Variants in ATG7 observed in about 807,000 individuals in gnomAD.
ATG7 encodes the protein autophagy related 7.
In ATG7, 70 loss-of-function variants were observed where a neutral mutation model predicts 82.4. The ratio of observed to expected loss-of-function variants is 0.85; its 90% confidence interval spans 0.70 to 1.04. ATG7 has a LOEUF of 1.04. Ranked by LOEUF, ATG7 falls within the 50% of genes least tolerant of loss-of-function variation. The probability of loss-of-function intolerance (pLI) is 0.00; values close to 1 mark genes in which losing one functional copy is unlikely to be tolerated. For missense variants in ATG7, 792 were observed against 864.3 expected (o/e 0.92, Z 1.05); for synonymous variants, 287 against 313.0 (o/e 0.92, Z 0.88).
chr3:11,453,856 G>T (rs543617518), intron 20 of ATG7, among the ~76,000 whole-genome samples: 2 of 152,312 alleles, frequency 1.3e-5, no homozygotes, highest in African/African-American at 4.8e-5. Flanking sequence ...GGCATGGAAA[G>T]CCACCAACAG....
chr3:11,454,343 C>T (rs2085489121), intron 20 of ATG7, among the ~76,000 whole-genome samples: 2 of 152,110 alleles, frequency 1.3e-5, no homozygotes, highest in South Asian at 4.1e-4. Context: ...ATGCTTGGGT[C>T]AGAAATGGGC....
chr3:11,454,216 C>T (rs2085475706), intron 20 of ATG7, among the ~76,000 whole-genome samples: 1 of 152,106 alleles, frequency 6.6e-6, no homozygotes, highest in Non-Finnish European at 1.5e-5. Flanking sequence ...CAGAGAAGCC[C>T]AGGGTCTCAC....
rs79290281 is a variant in ATG7, at chr3:11,412,736, G to A, written c.1957-14068G>A. On this transcript the variant is annotated intron_variant, in intron 19 of 20. Transcript: ENST00000693202. ...TTCTGCAAAAAACACCGTTGGATTTGTATAGAGATCACAATGAATCTGTAG... is the reference window on the plus strand; with the variant it reads ...TTCTGCAAAAAACACCGTTGGATTTATATAGAGATCACAATGAATCTGTAG... Among the ~76,000 whole-genome samples the A allele has an allele frequency of 1.9e-3, 286 of 152,126 alleles. 4 individuals are homozygous for A. In the East Asian group the frequency reaches 0.046, roughly 25 times the overall value.
In ATG7 at chr3:11,388,861, T is replaced by A. The variant is rs534685624; in HGVS notation, c.1956+8809T>A. On this transcript the variant is annotated intron_variant, in intron 19 of 20. Transcript: ENST00000693202. ...CCCAGCTGCTGAAACAAGGGAGCCATCAGCTGGAACTGGGAAAGCTTTTAT... is the reference window on the plus strand; with the variant it reads ...CCCAGCTGCTGAAACAAGGGAGCCAACAGCTGGAACTGGGAAAGCTTTTAT... Among the ~76,000 whole-genome samples, 87 of 152,252 alleles carry A rather than the reference T, an allele frequency of 5.7e-4. 1 individual carries two copies. Among genetic ancestry groups the A allele is most frequent in the Admixed American group, 4.4e-3 (68 of 15,286 alleles).
chr3:11,472,442 G>A (rs959851176), intron 20 of ATG7, among the ~76,000 whole-genome samples: 1 of 152,122 alleles, frequency 6.6e-6, no homozygotes, highest in Non-Finnish European at 1.5e-5. Context: ...GAGGAAGGGG[G>A]AACTGTAACT....
intron 9 of ATG7, among the ~76,000 whole-genome samples, chr3:11,316,990 G>A (rs1167344069): frequency 1.3e-5 from 2 of 151,794 alleles, no homozygotes; most frequent in South Asian, 2.1e-4. Flanking sequence ...TTTTTCAGAG[G>A]AAGCCCACCT....
intron 9 of ATG7, among the ~76,000 whole-genome samples, chr3:11,328,185 G>A (rs934656721): frequency 2.0e-5 from 3 of 152,210 alleles, no homozygotes; most frequent in Non-Finnish European, 2.9e-5. Context: ...GTAGCTCTAT[G>A]TATGTGCTGG....
At chr3:11,358,288 G>A in intron 14 of ATG7, 130 bp from the exon 15 acceptor site, 1 of 887,202 alleles carries the variant, frequency 1.1e-6, no homozygotes, top group East Asian at 2.4e-5. Context: ...GAAGGGTGCA[G>A]CATAATAGTG....
chr3:11,385,130 A>G (rs1262420870), intron 19 of ATG7, among the ~76,000 whole-genome samples: 2 of 152,072 alleles, frequency 1.3e-5, no homozygotes, highest in African/African-American at 4.8e-5. Context: ...CCTGGGTTCA[A>G]GTGATTCTCC....
intron 20 of ATG7, among the ~76,000 whole-genome samples, chr3:11,443,229 GT>G (rs1392680610): frequency 6.6e-6 from 1 of 152,152 alleles, no homozygotes; most frequent in Non-Finnish European, 1.5e-5. Flanking sequence ...AGCAATGCCT[GT>G]CTACTTCCCC....
At chr3:11,478,639 C>G (rs1474931148) in intron 20 of ATG7, among the ~76,000 whole-genome samples, 1 of 152,130 alleles carries the variant, frequency 6.6e-6, no homozygotes, top group Non-Finnish European at 1.5e-5. Context: ...AAAGGCAAAA[C>G]AGTCAGCAAA....
At chr3:11,374,859 G>A (rs1038044072) in intron 18 of ATG7, among the ~76,000 whole-genome samples, 2 of 130,774 alleles carry the variant, frequency 1.5e-5, no homozygotes, top group Non-Finnish European at 3.0e-5. Flanking sequence ...AGCTGAAATC[G>A]CTCCACTACA....
At chr3:11,491,992 A>G (rs554670223) in intron 20 of ATG7, among the ~76,000 whole-genome samples, 3 of 152,294 alleles carry the variant, frequency 2.0e-5, no homozygotes, top group Non-Finnish European at 1.5e-5. Flanking sequence ...GGCTACACCA[A>G]GTTTGAGCTT....
intron 1 of ATG7, among the ~76,000 whole-genome samples, chr3:11,275,746 G>A (rs781535707): frequency 1.3e-5 from 2 of 152,070 alleles, no homozygotes; most frequent in East Asian, 1.9e-4. Context: ...TGGAGGTGCT[G>A]CTCTGTTAAT....
At chr3:11,510,919 T>G (rs1437604553) in intron 20 of ATG7, among the ~76,000 whole-genome samples, 2 of 152,178 alleles carry the variant, frequency 1.3e-5, no homozygotes, top group African/African-American at 4.8e-5. Context: ...ACTTCAAGAA[T>G]GAAGCCGCGG....
At chr3:11,564,874 C>T in the ATG7 span, 89 of 1,608,454 alleles carry the variant, frequency 5.5e-5, no homozygotes, top group South Asian at 2.3e-4. Flanking sequence ...TTGGTCAGTG[C>T]GAGGGGCTGC....
chr3:11,565,022 GAA>G, the ATG7 span: 1 of 1,475,824 alleles, frequency 6.8e-7, no homozygotes, highest in Non-Finnish European at 9.0e-7. This position sits in a 1 kb window ranked among gnomAD's most constrained non-coding sequence, Gnocchi z 4.1. Flanking sequence ...TCTTGTTCCT[GAA>G]AAAGAGGAAT....
chr3:11,320,955 A>G (rs1317622527), intron 9 of ATG7, among the ~76,000 whole-genome samples: 2 of 152,244 alleles, frequency 1.3e-5, no homozygotes, highest in Non-Finnish European at 2.9e-5. Context: ...ACCTCAATTT[A>G]TGTCTAATGA....
intron 20 of ATG7, among the ~76,000 whole-genome samples, chr3:11,547,049 G>A (rs1193802886): frequency 2.0e-5 from 3 of 152,262 alleles, no homozygotes; most frequent in Non-Finnish European, 2.9e-5. Context: ...GTGGGTGTGT[G>A]CTGTTGCTCT....
Sources: allele counts gnomAD v4.1 joint callset (sites outside exome capture counted in the v4.1 genomes callset), GRCh38; gene constraint gnomAD v4.1.1; non-coding constraint Gnocchi (gnomAD v3.1); transcripts MANE v1.5; gene names NCBI Gene and HGNC (gene_info 2026-07-23, HGNC 2026-07-21).